PARN: variants seen among roughly 807,000 people sequenced by gnomAD.
PARN encodes the protein poly(A)-specific ribonuclease.
Under a neutral mutation model 102.8 loss-of-function variants are expected in PARN, and 71 were observed. That is an observed-to-expected ratio of 0.69 (90% CI 0.57 to 0.84). PARN has a LOEUF of 0.84. Among genes scored for constraint, PARN ranks in the 40% least tolerant of loss-of-function variants. PARN has a pLI of 0.00. For synonymous variants in PARN, 261 were observed against 252.9 expected (o/e 1.03, Z -0.30); for missense variants, 782 against 760.9 (o/e 1.03, Z -0.33).
intron 21 of PARN, among the ~76,000 whole-genome samples, chr16:14,489,852 T>C (rs768965063): frequency 6.6e-6 from 1 of 152,238 alleles, no homozygotes; most frequent in Non-Finnish European, 1.5e-5. Flanking sequence ...GGGAATTGCC[T>C]ATATTCGTAT....
At chr16:14,579,966 G>C (rs1326202107) in intron 18 of PARN, among the ~76,000 whole-genome samples, 4 of 147,992 alleles carry the variant, frequency 2.7e-5, no homozygotes, top group African/African-American at 5.0e-5. Context: ...CTGGGTGACA[G>C]AGTGAGACAC....
intron 18 of PARN, among the ~76,000 whole-genome samples, chr16:14,557,616 C>A (rs1226176532): frequency 6.7e-6 from 1 of 149,558 alleles, no homozygotes; most frequent in East Asian, 2.0e-4. Context: ...ATGGAACCAT[C>A]AGCATGAACA....
At chr16:14,488,094 A>C (rs1183642598) in intron 21 of PARN, among the ~76,000 whole-genome samples, 1 of 152,232 alleles carries the variant, frequency 6.6e-6, no homozygotes, top group African/African-American at 2.4e-5. Flanking sequence ...CAGAATTCTA[A>C]GAGCCTAGAA....
rs762139840 is a variant in PARN, at chr16:14,555,693, C to T, written c.1279G>A (p.Val427Ile). Residue 427 changes from valine to isoleucine, a missense_variant, in exon 19 of 24, where the codon GTC becomes ATC. Physicochemically the swap from Val to Ile is conservative, Grantham distance 29 (BLOSUM62 3). Coordinates refer to ENST00000437198, the MANE Select transcript of PARN (RefSeq NM_002582.4). Reference protein sequence around the residue: ...PFFNKLFLMRVMDIPYLNLEG... With the variant: ...PFFNKLFLMRIMDIPYLNLEG... ...AAGTTTAGATAGGGGATATCCATGA[C>T]CCTCATAAGAAATAACCTACAAGAA... 3 of 1,485,616 alleles carry T rather than the reference C, an allele frequency of 2.0e-6. No homozygotes were observed. The Admixed American group carries it at 6.1e-5, about 30-fold the overall frequency. 92.0% of individuals were successfully genotyped at this position (1,485,616 alleles called of 1,614,324 possible).
In PARN at chr16:14,613,678, A is replaced by C. The variant is rs115707080; in HGVS notation, c.389-2869T>G. 2.7e-3 allele frequency among the ~76,000 whole-genome samples: 416 copies of C among 152,248 alleles called. 2 individuals carry two copies. Among genetic ancestry groups the C allele is most frequent in the African/African-American group, 9.5e-3 (396 of 41,546 alleles). On this transcript the variant is annotated intron_variant, in intron 6 of 23. Transcript: ENST00000437198. The stretch of plus-strand genomic sequence containing the variant: ...TAAGGAATTTGTAGAAAGAACAATG[A>C]ACGTAGAAAACCACCATCAGTCAAC...
chr16:14,531,899 TA>T (rs35330393), intron 21 of PARN, among the ~76,000 whole-genome samples: 5,668 of 108,868 alleles, frequency 0.052, 108 homozygotes, highest in Non-Finnish European at 0.058. Flanking sequence ...CCCATTTCTT[TA>T]AAAAAAAAAA....
intron 18 of PARN, among the ~76,000 whole-genome samples, chr16:14,556,524 T>C (rs1296807543): frequency 6.6e-6 from 1 of 152,076 alleles, no homozygotes; most frequent in Non-Finnish European, 1.5e-5. Flanking sequence ...CAAATATTTA[T>C]CACAAATAGA....
At chr16:14,523,797 C>A (rs1965859568) in intron 21 of PARN, among the ~76,000 whole-genome samples, 1 of 152,030 alleles carries the variant, frequency 6.6e-6, no homozygotes. Flanking sequence ...CAGGGAGGTC[C>A]TTAAACAACC....
chr16:14,611,239 G>A (rs1442594125), intron 6 of PARN, among the ~76,000 whole-genome samples: 6 of 152,164 alleles, frequency 3.9e-5, no homozygotes, highest in Non-Finnish European at 5.9e-5. Flanking sequence ...TGGCTTGGAC[G>A]GTTCCAGGAG....
chr16:14,439,880 T>C (rs1960872156), intron 23 of PARN, among the ~76,000 whole-genome samples: 1 of 152,094 alleles, frequency 6.6e-6, no homozygotes, highest in Non-Finnish European at 1.5e-5. Flanking sequence ...CTGGGCGTGG[T>C]GGCAGGCGCC....
chr16:14,529,296 C>T (rs1233854136), intron 21 of PARN, among the ~76,000 whole-genome samples: 1 of 152,188 alleles, frequency 6.6e-6, no homozygotes. Context: ...GTTGCCAGCA[C>T]GACAGCACCA....
chr16:14,449,553 G>A (rs1433686613), intron 22 of PARN, among the ~76,000 whole-genome samples: 1 of 152,180 alleles, frequency 6.6e-6, no homozygotes, highest in African/African-American at 2.4e-5. Context: ...TAAATAACGT[G>A]AGCCAAGACA....
intron 10 of PARN, 51 bp from the exon 11 acceptor site, chr16:14,604,277 T>A (rs1231459026): frequency 8.4e-7 from 1 of 1,193,400 alleles, no homozygotes; most frequent in Non-Finnish European, 1.2e-6. Context: ...TCTTTTTTTT[T>A]GAGACAGAGT....
At chr16:14,450,431 C>T (rs1464806483) in intron 22 of PARN, among the ~76,000 whole-genome samples, 1 of 152,090 alleles carries the variant, frequency 6.6e-6, no homozygotes, top group Non-Finnish European at 1.5e-5. Flanking sequence ...TAAGGAAGAA[C>T]CCTCTGAGGA....
chr16:14,480,735 G>A (rs912311399), intron 22 of PARN, among the ~76,000 whole-genome samples: 8 of 152,284 alleles, frequency 5.3e-5, no homozygotes, highest in Admixed American at 2.0e-4. Flanking sequence ...GAGGTCAGGA[G>A]TTCAAGACCA....
chr16:14,547,155 G>A (rs983254593), intron 21 of PARN, among the ~76,000 whole-genome samples: 2 of 151,612 alleles, frequency 1.3e-5, no homozygotes, highest in Admixed American at 1.3e-4. Context: ...ATTCTCAAAT[G>A]GTGAAGGTAA....
intron 18 of PARN, among the ~76,000 whole-genome samples, chr16:14,560,188 G>A (rs1377873541): frequency 1.3e-5 from 2 of 152,188 alleles, no homozygotes; most frequent in Non-Finnish European, 2.9e-5. Flanking sequence ...AATGCACTAG[G>A]CAAGCAGAAA....
In PARN at chr16:14,604,164, C is replaced by T; in HGVS notation, c.765G>A (p.Gln255=). Residue 255 remains glutamine, a synonymous_variant, in exon 11 of 24, where the codon CAG becomes CAA. Coordinates refer to ENST00000437198, the MANE Select transcript of PARN (RefSeq NM_002582.4). ...CAATTACCTGTTCTTTGGCATGTTT[C>T]TGCTGCTCTCTTCTTTTGCGTTCTT... ...DEEERKRREQ[Q]KHAKEQEELN... 1 of 1,600,690 alleles carries T rather than the reference C, an allele frequency of 6.2e-7. No homozygotes were observed. Among genetic ancestry groups the T allele is most frequent in the Non-Finnish European group, 8.5e-7 (1 of 1,171,602 alleles).
At chr16:14,585,509 C>G (rs1209396289) in intron 14 of PARN, among the ~76,000 whole-genome samples, 1 of 151,494 alleles carries the variant, frequency 6.6e-6, no homozygotes, top group Non-Finnish European at 1.5e-5. Flanking sequence ...TCGGTAGGCT[C>G]CACATGGCTG....
Sources: gnomAD v4.1 joint callset for allele counts (sites outside exome capture counted in the v4.1 genomes callset) on GRCh38, gnomAD v4.1.1 for gene constraint, MANE v1.5 for transcripts, NCBI Gene and HGNC (gene_info 2026-07-23, HGNC 2026-07-21) for gene names.